Variants in AK5 observed in about 807,000 individuals in gnomAD.
The protein encoded by AK5 is adenylate kinase 5, also known as adenylate kinase isoenzyme 5.
Under a neutral mutation model 69.5 loss-of-function variants are expected in AK5, and 27 were observed. The ratio of observed to expected loss-of-function variants is 0.39; its 90% confidence interval spans 0.29 to 0.54. AK5 has a LOEUF of 0.54. Among genes scored for constraint, AK5 ranks in the 20% least tolerant of loss-of-function variants. The pLI is 0.71. For synonymous variants in AK5, 260 were observed against 244.4 expected (o/e 1.06, Z -0.60); for missense variants, 531 against 700.4 (o/e 0.76, Z 2.73).
intron 5 of AK5, among the ~76,000 whole-genome samples, chr1:77,315,689 T>C (rs1406660066): frequency 1.3e-5 from 2 of 152,190 alleles, no homozygotes; most frequent in Admixed American, 6.5e-5. Flanking sequence ...GTAGCTCCTA[T>C]GTAGGCGACA....
chr1:77,428,154 A>G (rs975083280), intron 8 of AK5, among the ~76,000 whole-genome samples: 2 of 152,246 alleles, frequency 1.3e-5, no homozygotes, highest in Non-Finnish European at 2.9e-5. Context: ...GAAAAAGTGC[A>G]TAATCTGGAC....
chr1:77,390,898 A>G (rs144137926), intron 6 of AK5, among the ~76,000 whole-genome samples: 12 of 152,368 alleles, frequency 7.9e-5, no homozygotes, highest in Middle Eastern at 3.4e-3. Context: ...TGGAAGAACA[A>G]TAGATTATTT....
At chr1:77,451,416 C>T (rs954946175) in intron 8 of AK5, among the ~76,000 whole-genome samples, 10 of 152,066 alleles carry the variant, frequency 6.6e-5, no homozygotes, top group Non-Finnish European at 8.8e-5. Flanking sequence ...TCTATAGGAA[C>T]ACCATATTTA....
intron 8 of AK5, among the ~76,000 whole-genome samples, chr1:77,459,477 C>T (rs924886004): frequency 6.6e-6 from 1 of 152,160 alleles, no homozygotes; most frequent in African/African-American, 2.4e-5. Context: ...CACTCATCTG[C>T]TTAACCCAGT....
At chr1:77,396,938 C>G (rs1457122733) in intron 6 of AK5, among the ~76,000 whole-genome samples, 5 of 152,240 alleles carry the variant, frequency 3.3e-5, no homozygotes, top group African/African-American at 4.8e-5. Context: ...AATGGTAACT[C>G]GTGCCATGCA....
intron 6 of AK5, among the ~76,000 whole-genome samples, chr1:77,406,519 T>C (rs1354081004): frequency 2.0e-5 from 3 of 146,934 alleles, no homozygotes; most frequent in East Asian, 1.9e-4. Flanking sequence ...TCTGTCCTAA[T>C]GATATCCTGT....
chr1:77,313,753 G>T (rs766092043), intron 5 of AK5: 1 of 507,176 alleles, frequency 2.0e-6, no homozygotes, highest in East Asian at 5.8e-5. Flanking sequence ...AGCTGCTGCC[G>T]TGATTCTTAG....
chr1:77,391,417 A>ATG (rs1557553905), intron 6 of AK5, among the ~76,000 whole-genome samples: 1 of 128,562 alleles, frequency 7.8e-6, no homozygotes, highest in African/African-American at 3.1e-5. Context: ...ACACACATAT[A>ATG]TATGTATATA....
chr1:77,508,066 G>C (rs535314167), intron 10 of AK5, among the ~76,000 whole-genome samples: 8 of 152,216 alleles, frequency 5.3e-5, no homozygotes, highest in African/African-American at 1.4e-4. Context: ...TGGAGCATTT[G>C]GGATTTTGAA....
At chr1:77,283,214 G>A (rs1354959864) in intron 1 of AK5, 2 of 985,352 alleles carry the variant, frequency 2.0e-6, no homozygotes, top group Middle Eastern at 5.2e-4. Context: ...CCTGTCTCAG[G>A]TCGTTTGGCT....
chr1:77,499,688 G>A (rs1449454006), intron 10 of AK5, among the ~76,000 whole-genome samples: 2 of 152,060 alleles, frequency 1.3e-5, no homozygotes, highest in Non-Finnish European at 2.9e-5. Context: ...AACATCTGCT[G>A]TTGAGAAAGG....
At chr1:77,429,086 G>A (rs1651416843) in intron 8 of AK5, among the ~76,000 whole-genome samples, 1 of 152,192 alleles carries the variant, frequency 6.6e-6, no homozygotes, top group East Asian at 1.9e-4. Flanking sequence ...CTTTATAGCT[G>A]CATGATTTAT....
At chr1:77,324,260 T>C (rs1660674133) in intron 5 of AK5, among the ~76,000 whole-genome samples, 1 of 151,272 alleles carries the variant, frequency 6.6e-6, no homozygotes, top group Admixed American at 6.6e-5. Flanking sequence ...TGTCCACCAC[T>C]GCTTTAAAAA....
intron 8 of AK5, among the ~76,000 whole-genome samples, chr1:77,434,378 T>C (rs1651834647): frequency 6.6e-6 from 1 of 152,162 alleles, no homozygotes; most frequent in Non-Finnish European, 1.5e-5. Context: ...AACCTAATCA[T>C]TTAATATCTC....
chr1:77,387,923 C>T (rs772032845), intron 6 of AK5, among the ~76,000 whole-genome samples: 5 of 151,638 alleles, frequency 3.3e-5, no homozygotes, highest in Admixed American at 6.6e-5. Context: ...AAGGTTTGCT[C>T]AGAGCAATGT....
At chr1:77,467,086 C>T (rs536751291) in intron 8 of AK5, among the ~76,000 whole-genome samples, 2 of 152,298 alleles carry the variant, frequency 1.3e-5, no homozygotes, top group Admixed American at 6.5e-5. Flanking sequence ...TGTAACTCTC[C>T]CTGAATTGTA....
At chr1:77,524,376 T>G (rs993555689) in intron 12 of AK5, among the ~76,000 whole-genome samples, 1 of 152,214 alleles carries the variant, frequency 6.6e-6, no homozygotes, top group African/African-American at 2.4e-5. Context: ...TATACATACA[T>G]ACTGCCAGCC....
At chr1:77,418,818 A>G (rs1650604481) in intron 8 of AK5, among the ~76,000 whole-genome samples, 1 of 152,152 alleles carries the variant, frequency 6.6e-6, no homozygotes, top group South Asian at 2.1e-4. Flanking sequence ...CTGGCTGTAT[A>G]TTTCATATAC....
chr1:77,333,502 TTTC>T (rs1384442438), intron 5 of AK5, among the ~76,000 whole-genome samples: 1 of 152,188 alleles, frequency 6.6e-6, no homozygotes, highest in African/African-American at 2.4e-5. Context: ...TCTTTCCTCC[TTTC>T]TTACTTTTTT....
Sources: gnomAD v4.1 joint callset for allele counts (sites outside exome capture counted in the v4.1 genomes callset) on GRCh38, gnomAD v4.1.1 for gene constraint, MANE v1.5 for transcripts, NCBI Gene and HGNC (gene_info 2026-07-23, HGNC 2026-07-21) for gene names.